Variants in ENOX1 observed in about 807,000 individuals in gnomAD.
ENOX1 encodes ecto-NOX disulfide-thiol exchanger 1.
ENOX1 carries 42 observed loss-of-function variants against 82.5 expected under a neutral mutation model. That is an observed-to-expected ratio of 0.51 (90% CI 0.40 to 0.66). ENOX1 has a LOEUF of 0.66. ENOX1 is among the 30% of genes least tolerant of loss of function. The pLI is 0.00. For missense variants in ENOX1, 608 were observed against 811.6 expected, an observed-to-expected ratio of 0.75 and a Z score of 3.05; for synonymous variants, 271 against 282.2, an observed-to-expected ratio of 0.96 and a Z score of 0.40.
At chr13:43,728,655 C>T (rs577204695) in intron 1 of ENOX1, among the ~76,000 whole-genome samples, 1 of 152,160 alleles carries the variant, frequency 6.6e-6, no homozygotes, top group South Asian at 2.1e-4. Context: ...AAAAACAAAA[C>T]CATATTTGTT....
intron 1 of ENOX1, among the ~76,000 whole-genome samples, chr13:43,737,909 C>T (rs545378411): frequency 5.9e-4 from 90 of 152,238 alleles, no homozygotes; most frequent in Middle Eastern, 3.4e-3. Flanking sequence ...TCTATATCCC[C>T]CACAGCAGAT....
intron 3 of ENOX1, among the ~76,000 whole-genome samples, chr13:43,445,427 T>A (rs2056601365): frequency 1.3e-5 from 2 of 151,608 alleles, no homozygotes; most frequent in Admixed American, 1.3e-4. Flanking sequence ...CCGGCCCACT[T>A]TCTGGGTCTT....
At chr13:43,594,484 ATTAG>A (rs2081374850) in intron 2 of ENOX1, among the ~76,000 whole-genome samples, 1 of 152,232 alleles carries the variant, frequency 6.6e-6, no homozygotes, top group South Asian at 2.1e-4. Flanking sequence ...CAAAAGGCTA[ATTAG>A]TTATTTTGTT....
At chr13:43,648,685 T>A (rs182838059) in intron 2 of ENOX1, among the ~76,000 whole-genome samples, 49 of 152,324 alleles carry the variant, frequency 3.2e-4, no homozygotes, top group Non-Finnish European at 6.6e-4. Flanking sequence ...AGGAAAAGTG[T>A]GCTGTGTGAA....
chr13:43,644,903 A>T (rs1202819638), intron 2 of ENOX1, among the ~76,000 whole-genome samples: 1 of 152,174 alleles, frequency 6.6e-6, no homozygotes, highest in East Asian at 1.9e-4. Context: ...CCTAAAAAAC[A>T]TATCTGGGTT....
chr13:43,652,810 C>T (rs918461144), intron 2 of ENOX1, among the ~76,000 whole-genome samples: 6 of 152,142 alleles, frequency 3.9e-5, no homozygotes, highest in Admixed American at 6.5e-5. Flanking sequence ...GCCGGAATGC[C>T]GGTGATGAGC....
At chr13:43,545,599 T>G (rs2078941733) in intron 2 of ENOX1, 1 of 152,306 alleles carries the variant, frequency 6.6e-6, no homozygotes, top group Non-Finnish European at 1.5e-5. Context: ...CCTCTCTCCC[T>G]GTTTTCTGCC....
chr13:43,436,963 A>G (rs1262872823), intron 3 of ENOX1, among the ~76,000 whole-genome samples: 1 of 152,242 alleles, frequency 6.6e-6, no homozygotes, highest in African/African-American at 2.4e-5. Flanking sequence ...AATGACAAGT[A>G]ATAAATGGAA....
intron 1 of ENOX1, among the ~76,000 whole-genome samples, chr13:43,707,606 G>A (rs769075842): frequency 1.8e-4 from 28 of 151,508 alleles, no homozygotes; most frequent in Admixed American, 3.3e-4. Flanking sequence ...GGTGGTGCTC[G>A]CCTGTAGTCC....
chr13:43,728,665 T>G (rs2089142734), intron 1 of ENOX1, among the ~76,000 whole-genome samples: 1 of 152,144 alleles, frequency 6.6e-6, no homozygotes, highest in Non-Finnish European at 1.5e-5. Context: ...CCATATTTGT[T>G]TACAGCAGAA....
intron 1 of ENOX1, among the ~76,000 whole-genome samples, chr13:43,712,202 T>G (rs868349193): frequency 1.7e-4 from 25 of 146,154 alleles, no homozygotes; most frequent in South Asian, 1.6e-3. Flanking sequence ...TGCTTGTTTT[T>G]CTCAGGTTTG....
At chr13:43,668,745 G>A (rs2085109789) in intron 1 of ENOX1, among the ~76,000 whole-genome samples, 1 of 152,124 alleles carries the variant, frequency 6.6e-6, no homozygotes, top group Non-Finnish European at 1.5e-5. Flanking sequence ...GAAGGTACTG[G>A]TACACACTTA....
chr13:43,778,777 A>T (rs1223428755), intron 1 of ENOX1, among the ~76,000 whole-genome samples: 1 of 152,030 alleles, frequency 6.6e-6, no homozygotes, highest in African/African-American at 2.4e-5. Context: ...AAGATTATAG[A>T]TTATAGGCAA....
chr13:43,538,760 CT>C (rs1222978756), intron 2 of ENOX1, among the ~76,000 whole-genome samples: 1 of 152,042 alleles, frequency 6.6e-6, no homozygotes, highest in Admixed American at 6.6e-5. Context: ...GTTTTAGTCT[CT>C]TCTTTTTCCT....
chr13:43,554,782 G>A (rs1405459479), intron 2 of ENOX1, among the ~76,000 whole-genome samples: 1 of 152,024 alleles, frequency 6.6e-6, no homozygotes, highest in Non-Finnish European at 1.5e-5. Context: ...TCACCATGTT[G>A]CTCAGGAGTC....
intron 9 of ENOX1, among the ~76,000 whole-genome samples, chr13:43,331,103 TG>T (rs1340652921): frequency 6.6e-6 from 1 of 152,228 alleles, no homozygotes; most frequent in Admixed American, 6.5e-5. Flanking sequence ...GCAAGCTCCC[TG>T]GGAAAAAGCA....
chr13:43,607,799 T>C (rs1302273161), intron 2 of ENOX1, among the ~76,000 whole-genome samples: 2 of 152,170 alleles, frequency 1.3e-5, no homozygotes, highest in Non-Finnish European at 2.9e-5. Context: ...CTCTTGAAGG[T>C]AAGTTTGGAA....
At chr13:43,380,154 G>A (rs927591120) in intron 5 of ENOX1, among the ~76,000 whole-genome samples, 1 of 151,306 alleles carries the variant, frequency 6.6e-6, no homozygotes, top group Admixed American at 6.6e-5. Flanking sequence ...TATACTATAA[G>A]AAATATTAAA....
chr13:43,494,726 G>C (rs2076735069), intron 2 of ENOX1, among the ~76,000 whole-genome samples: 1 of 152,190 alleles, frequency 6.6e-6, no homozygotes, highest in African/African-American at 2.4e-5. Flanking sequence ...GGCTGCTTTA[G>C]AGCAGAAGTA....
Sources: allele counts gnomAD v4.1 joint callset (sites outside exome capture counted in the v4.1 genomes callset), GRCh38; gene constraint gnomAD v4.1.1; transcripts MANE v1.5; gene names NCBI Gene and HGNC (gene_info 2026-07-23, HGNC 2026-07-21).